Variants in KLHL1 observed in about 807,000 individuals in gnomAD.
The protein encoded by KLHL1 is kelch-like protein 1.
Under a neutral mutation model 77.7 loss-of-function variants are expected in KLHL1, and 47 were observed. The observed-to-expected ratio is 0.60, with a 90% CI of 0.48 to 0.77. The LOEUF (loss-of-function observed/expected upper bound fraction) is 0.77. KLHL1 is among the 30% of genes least tolerant of loss of function. The probability of loss-of-function intolerance (pLI) is 0.00; values close to 1 mark genes in which losing one functional copy is unlikely to be tolerated. For synonymous variants in KLHL1, 360 were observed against 325.2 expected (o/e 1.11, Z -1.15); for missense variants, 925 against 910.8 (o/e 1.02, Z -0.20).
intron 4 of KLHL1, among the ~76,000 whole-genome samples, chr13:69,893,609 A>T (rs1881516301): frequency 6.6e-6 from 1 of 152,216 alleles, no homozygotes; most frequent in African/African-American, 2.4e-5. Context: ...CAAAAGAACC[A>T]CTAGCTACAT....
intron 4 of KLHL1, among the ~76,000 whole-genome samples, chr13:69,891,084 C>A (rs1881411672): frequency 1.3e-5 from 2 of 151,958 alleles, no homozygotes; most frequent in Non-Finnish European, 2.9e-5. Context: ...ATGTTAGTTT[C>A]TTCCTTAATA....
intron 2 of KLHL1, among the ~76,000 whole-genome samples, chr13:69,965,255 C>T (rs1211407546): frequency 6.6e-6 from 1 of 152,086 alleles, no homozygotes; most frequent in African/African-American, 2.4e-5. Flanking sequence ...ACCAGTTTTC[C>T]AACAGCATGG....
chr13:70,100,234 G>A (rs184508527), intron 1 of KLHL1, among the ~76,000 whole-genome samples: 39 of 151,850 alleles, frequency 2.6e-4, no homozygotes, highest in African/African-American at 8.9e-4. Context: ...TTCAGTGTAT[G>A]AGTCTTTCAC....
chr13:70,053,969 T>C (rs1361823468), intron 1 of KLHL1, among the ~76,000 whole-genome samples: 1 of 152,158 alleles, frequency 6.6e-6, no homozygotes, highest in Non-Finnish European at 1.5e-5. Flanking sequence ...TTCCTGATCC[T>C]GAATGTGACA....
intron 1 of KLHL1, among the ~76,000 whole-genome samples, chr13:70,021,787 G>T (rs2137352778): frequency 6.6e-6 from 1 of 152,056 alleles, no homozygotes; most frequent in East Asian, 1.9e-4. Flanking sequence ...ATCTTTTTTG[G>T]TGAGGTATTT....
At chr13:70,046,801 C>A (rs940874430) in intron 1 of KLHL1, among the ~76,000 whole-genome samples, 3 of 152,042 alleles carry the variant, frequency 2.0e-5, no homozygotes, top group Non-Finnish European at 4.4e-5. Flanking sequence ...GGCCCTTACA[C>A]CCGGCCTCTA....
intron 9 of KLHL1, among the ~76,000 whole-genome samples, chr13:69,714,006 A>G (rs1453787645): frequency 6.6e-6 from 1 of 152,164 alleles, no homozygotes; most frequent in Non-Finnish European, 1.5e-5. Context: ...TGATGTGCTT[A>G]ATGTCTATTT....
At chr13:69,727,642 C>T (rs1414473536) in intron 8 of KLHL1, among the ~76,000 whole-genome samples, 2 of 152,074 alleles carry the variant, frequency 1.3e-5, no homozygotes, top group Admixed American at 1.3e-4. Flanking sequence ...TGACCATGCT[C>T]AAATATGGCA....
intron 1 of KLHL1, among the ~76,000 whole-genome samples, chr13:70,090,969 A>T (rs1370279481): frequency 1.3e-5 from 2 of 151,864 alleles, no homozygotes; most frequent in East Asian, 3.9e-4. Context: ...ACTTCACATT[A>T]CTTCTTCCTT....
At chr13:70,007,371 T>C (rs1187688029) in intron 1 of KLHL1, among the ~76,000 whole-genome samples, 1 of 151,784 alleles carries the variant, frequency 6.6e-6, no homozygotes, top group Non-Finnish European at 1.5e-5. Flanking sequence ...TATACATCTA[T>C]ATAGGTATAT....
intron 5 of KLHL1, among the ~76,000 whole-genome samples, chr13:69,874,863 G>A (rs983134428): frequency 2.0e-5 from 3 of 152,042 alleles, no homozygotes; most frequent in African/African-American, 7.2e-5. Context: ...GGCTTTGTAG[G>A]ATAGGGATAT....
intron 3 of KLHL1, among the ~76,000 whole-genome samples, chr13:69,947,423 T>C (rs1157435496): frequency 6.6e-6 from 1 of 152,134 alleles, no homozygotes; most frequent in Admixed American, 6.6e-5. Context: ...AGTATGTCAA[T>C]GTAATAACTT....
At chr13:70,084,537 C>G (rs1257369686) in intron 1 of KLHL1, among the ~76,000 whole-genome samples, 1 of 136,600 alleles carries the variant, frequency 7.3e-6, no homozygotes, top group Admixed American at 8.1e-5. Context: ...CTGCTCACTG[C>G]AAGCTCCACC....
chr13:69,708,522 G>A (rs1875732109), intron 9 of KLHL1, among the ~76,000 whole-genome samples: 1 of 151,944 alleles, frequency 6.6e-6, no homozygotes, highest in African/African-American at 2.4e-5. Flanking sequence ...ACACAACTGG[G>A]TTTAGTGACA....
intron 1 of KLHL1, among the ~76,000 whole-genome samples, chr13:70,081,476 C>T (rs1887388605): frequency 6.6e-6 from 1 of 152,130 alleles, no homozygotes; most frequent in Admixed American, 6.5e-5. Context: ...TTCCTTGCTG[C>T]TGCAGGACTG....
At chr13:69,996,958 C>T (rs1280625394) in intron 1 of KLHL1, among the ~76,000 whole-genome samples, 7 of 118,180 alleles carry the variant, frequency 5.9e-5, no homozygotes, top group Non-Finnish European at 8.1e-5. Flanking sequence ...CAGTGACTCA[C>T]GCCTGTAATC....
At chr13:69,842,208 T>C (rs1879289692) in intron 5 of KLHL1, among the ~76,000 whole-genome samples, 1 of 151,418 alleles carries the variant, frequency 6.6e-6, no homozygotes, top group Non-Finnish European at 1.5e-5. Context: ...TATATCAAAT[T>C]AAAAAGCTTC....
chr13:70,064,097 G>C (rs925958116), intron 1 of KLHL1, among the ~76,000 whole-genome samples: 1 of 152,032 alleles, frequency 6.6e-6, no homozygotes, highest in Non-Finnish European at 1.5e-5. Context: ...ACAAAGACAG[G>C]CTGAACAAAT....
chr13:69,758,870 TACTC>T (rs1337133731), intron 7 of KLHL1, among the ~76,000 whole-genome samples: 1 of 152,176 alleles, frequency 6.6e-6, no homozygotes, highest in African/African-American at 2.4e-5. Context: ...ACCTAGAAAA[TACTC>T]ATTTTATGAT....
Sources: gnomAD v4.1 joint callset for allele counts (sites outside exome capture counted in the v4.1 genomes callset) on GRCh38, gnomAD v4.1.1 for gene constraint, MANE v1.5 for transcripts, NCBI Gene and HGNC (gene_info 2026-07-23, HGNC 2026-07-21) for gene names.